SBNO1: variants seen among roughly 807,000 people sequenced by gnomAD.
SBNO1 encodes the protein protein strawberry notch homolog 1.
Under a neutral mutation model 173.6 loss-of-function variants are expected in SBNO1, and 23 were observed. The ratio of observed to expected loss-of-function variants is 0.13; its 90% CI spans 0.10 to 0.19. The LOEUF (loss-of-function observed/expected upper bound fraction) is 0.19, where lower values mean the gene tolerates loss of function less well. SBNO1 is among the 10% of genes least tolerant of loss of function. The pLI is 1.00. For missense variants in SBNO1, 1,238 were observed against 1,671.2 expected, an observed-to-expected ratio of 0.74 and a Z score of 4.52; for synonymous variants, 632 against 571.5, an observed-to-expected ratio of 1.11 and a Z score of -1.51.
At chr12:123,304,845 C>G in intron 28 of SBNO1, 126 bp from the exon 29 acceptor site, 1 of 650,010 alleles carries the variant, frequency 1.5e-6, no homozygotes, top group Non-Finnish European at 2.6e-6. Context: ...ACGGTAACTT[C>G]AAAAAGGACC....
rs762910352 is a variant in SBNO1, at chr12:123,304,569, A to C, written c.3768+13T>G. 2.1e-5 allele frequency: 31 copies of C among 1,503,230 alleles called. No individual in the cohort carries two copies. The highest frequency in any genetic ancestry group is 2.8e-5 in the Non-Finnish European group (30 of 1,085,932). The allele number at this position is 1,503,230 out of a possible 1,614,324, so 93.1% of individuals were successfully genotyped here. A position where few individuals can be genotyped will look rare whatever the true frequency, so the allele number is the denominator to read the frequency against. On this transcript the variant is annotated intron_variant, in intron 29 of 31. Coordinates refer to ENST00000602398, the MANE Select transcript of SBNO1 (RefSeq NM_001167856.3). ...GTATTCCTATATAATATAATGTACA[A>C]ATGAAAAAATACCTTCTTATATTTC...
At chr12:123,314,193 A>C (rs1868983875) in intron 23 of SBNO1, among the ~76,000 whole-genome samples, 1 of 151,932 alleles carries the variant, frequency 6.6e-6, no homozygotes, top group African/African-American at 2.4e-5. Context: ...TTGGAGACAG[A>C]GTTTTGCTCA....
chr12:123,302,990 T>C lies in SBNO1; in HGVS notation c.3769-90A>G. 4.2e-6 allele frequency: 4 copies of C among 941,672 alleles called. No individual in the cohort carries two copies. In the Admixed American group the frequency reaches 6.1e-5, roughly 14 times the overall value. The allele number at this position is 941,672 out of a possible 1,614,324, so 58.3% of individuals were successfully genotyped here. On this transcript the variant is annotated intron_variant, in intron 29 of 31. Transcript: ENST00000602398. The stretch of plus-strand genomic sequence containing the variant: ...GGTCTGTAATTCTAGAGGTAGCCAA[T>C]TTAAAATAATCTCTACACAAAAAGC...
intron 1 of SBNO1, among the ~76,000 whole-genome samples, chr12:123,362,858 A>G (rs1875524396): frequency 6.6e-6 from 1 of 151,476 alleles, no homozygotes; most frequent in South Asian, 2.1e-4. Context: ...AGCGGAGGCC[A>G]GAAGATTGCT....
Position 123,334,182 on chromosome 12 carries a change from T to C in SBNO1, c.780A>G (p.Val260=), listed in dbSNP as rs2139014978. Residue 260 remains valine (V), a synonymous_variant, in exon 7 of 32, where the codon GTA becomes GTG. Coordinates refer to ENST00000602398, the MANE Select transcript of SBNO1 (RefSeq NM_001167856.3). ...CACTGGATAAAGAGCTGGTTTCCAC[T>C]ACAGCATCTGGATGACGTAGGCCAA... ...LKIGLRHPDA[V]VETSSLSSVT... 6.3e-7 allele frequency: 1 copy of C among 1,592,932 alleles called. No homozygotes were observed. Among genetic ancestry groups the C allele is most frequent in the Non-Finnish European group, 8.5e-7 (1 of 1,172,810 alleles).
chr12:123,329,161 C>T (rs987175488), intron 9 of SBNO1, among the ~76,000 whole-genome samples: 1 of 152,144 alleles, frequency 6.6e-6, no homozygotes, highest in African/African-American at 2.4e-5. Context: ...GGGTGGATCG[C>T]TTGAGCTCAG....
chr12:123,334,008 G>C (rs373994832), intron 7 of SBNO1, 45 bp downstream of exon 7: 2 of 1,306,270 alleles, frequency 1.5e-6, no homozygotes, highest in Non-Finnish European at 1.0e-6. Flanking sequence ...CTGTTATATA[G>C]AATAGGATAA....
intron 7 of SBNO1, among the ~76,000 whole-genome samples, chr12:123,333,123 C>CA (rs60476152): frequency 5.3e-5 from 8 of 150,494 alleles, no homozygotes; most frequent in African/African-American, 1.5e-4. Flanking sequence ...GACTCCATCT[C>CA]AAAAAAAAAA....
chr12:123,295,938 AG>A lies in SBNO1; in HGVS notation c.4151del (p.Pro1384LeufsTer7). 1 of 1,612,734 alleles carries A rather than the reference AG, an allele frequency of 6.2e-7. No individual in the cohort carries two copies. Among genetic ancestry groups the A allele is most frequent in the Non-Finnish European group, 8.5e-7 (1 of 1,178,716 alleles). On this transcript the variant is annotated frameshift_variant, in exon 32 of 32. Coordinates refer to ENST00000602398, the MANE Select transcript of SBNO1 (RefSeq NM_001167856.3). LOFTEE classifies it high-confidence loss of function. ...CGTTGCTCAAGTTGGTGATGCTCTG[AG>A]GGTGATGCTGTTGCCATAGCTGTTT... is the stretch of plus-strand genomic sequence containing the variant. ...QQKQLWQQHH[P>X]QSITNLSNA is the part of the protein sequence containing the mutation.
intron 17 of SBNO1, 119 bp from the exon 18 acceptor site, chr12:123,320,985 G>T (rs1869898154): frequency 1.5e-5 from 12 of 807,444 alleles, no homozygotes; most frequent in Non-Finnish European, 2.2e-5. Flanking sequence ...TGTAGCCCAG[G>T]CTGGAGTGCA....
intron 5 of SBNO1, among the ~76,000 whole-genome samples, chr12:123,339,656 G>A (rs564106477): frequency 2.6e-5 from 4 of 151,990 alleles, no homozygotes; most frequent in Admixed American, 6.6e-5. Context: ...GGCTGGTGGT[G>A]GGCACCTGTA....
rs1176099472 is a variant in SBNO1 at position 123,345,470 on chromosome 12, G to A, written c.338C>T (p.Thr113Ile). The stretch of plus-strand genomic sequence containing the variant: ...AGTTAAAGTGATGGTTTGCCTGTTG[G>A]TTGTTACAGGTGGTGTTTTAGTCAT... ...IVMTKTPPVT[T>I]NRQTITLTKF... The change falls in exon 4 of 32, where the codon ACC (threonine) becomes ATC (isoleucine). Residue 113 changes from threonine to isoleucine, a missense_variant. By Grantham distance (89) the Thr-to-Ile change is moderately conservative (BLOSUM62 -1). This residue lies in a region of SBNO1 where 287 missense variants were observed against 274.1 expected (regional missense o/e 1.05). Transcript: ENST00000602398. The A allele has an allele frequency of 6.2e-7, 1 of 1,614,104 alleles. No homozygotes were observed. Among genetic ancestry groups the A allele is most frequent in the Non-Finnish European group, 8.5e-7 (1 of 1,179,980 alleles).
At position 123,350,360 on chromosome 12, in the gene SBNO1, C is replaced by T; in HGVS notation, c.82G>A (p.Gly28Ser). 2 of 1,614,016 alleles carry T rather than the reference C, an allele frequency of 1.2e-6. No homozygotes were observed. Among genetic ancestry groups the T allele is most frequent in the Non-Finnish European group, 1.7e-6 (2 of 1,179,890 alleles). The stretch of plus-strand genomic sequence containing the variant: ...GGAGTTGCAAGCCCTGCATCTCCAC[C>T]ATCAATATCAAAGAGGTCATTCGGA... ...ISPNDLFDID[G>S]GDAGLATPMP... The change falls in exon 2 of 32, where the codon GGT becomes AGT. Residue 28 changes from glycine (G) to serine (S), a missense_variant. Coordinates refer to ENST00000602398, the MANE Select transcript of SBNO1 (RefSeq NM_001167856.3).
intron 24 of SBNO1, among the ~76,000 whole-genome samples, chr12:123,313,221 T>C (rs1406001527): frequency 1.4e-5 from 2 of 143,286 alleles, no homozygotes; most frequent in Admixed American, 1.4e-4. Context: ...AATAAATAAA[T>C]AAATAAATAA....
Position 123,331,248 on chromosome 12 carries a change from G to C in SBNO1, c.1037C>G (p.Ala346Gly). 6.2e-7 allele frequency: 1 copy of C among 1,613,542 alleles called. No homozygotes were observed. The highest frequency in any genetic ancestry group is 8.5e-7 in the Non-Finnish European group (1 of 1,179,694). The change falls in exon 8 of 32, where the codon GCA becomes GGA. Residue 346 changes from alanine (A) to glycine (G), a missense_variant. Ala to Gly is a moderately conservative substitution (Grantham distance 60). Transcript: ENST00000602398. ...YENYLLSRKR[A>G]LWFSVSNDLK... ...CCAGTTTTTAAACACTTACCACAATGCTCGTTTTCTACTCAACAAATAATT... is the reference window on the plus strand; with the variant it reads ...CCAGTTTTTAAACACTTACCACAATCCTCGTTTTCTACTCAACAAATAATT...
chr12:123,317,003 TTTTTC>T (rs1163770285), intron 21 of SBNO1, among the ~76,000 whole-genome samples: 3 of 152,040 alleles, frequency 2.0e-5, no homozygotes, highest in Non-Finnish European at 4.4e-5. Flanking sequence ...CTCTCAGCTG[TTTTTC>T]TTTTCTTTTG....
At chr12:123,313,061 G>A (rs1230544722) in intron 24 of SBNO1, among the ~76,000 whole-genome samples, 2 of 151,776 alleles carry the variant, frequency 1.3e-5, no homozygotes, top group African/African-American at 4.8e-5. Flanking sequence ...AAATTAGCTG[G>A]GTGTGGTGGC....
intron 5 of SBNO1, among the ~76,000 whole-genome samples, chr12:123,339,830 T>C (rs1414210076): frequency 2.0e-5 from 3 of 152,108 alleles, no homozygotes; most frequent in Non-Finnish European, 4.4e-5. Flanking sequence ...GGACCCTCCA[T>C]GGAGCCCAGA....
chr12:123,364,206 A>T, intron 1 of SBNO1: 1 of 985,608 alleles, frequency 1.0e-6, no homozygotes, highest in Non-Finnish European at 1.2e-6. Context: ...TTTAGGAAGG[A>T]CGACCGCGTC....
Sources: gnomAD v4.1 joint callset for allele counts (sites outside exome capture counted in the v4.1 genomes callset) on GRCh38, gnomAD v4.1.1 for gene constraint, gnomAD v4.1.1 regional missense constraint, MANE v1.5 for transcripts, NCBI Gene and HGNC (gene_info 2026-07-23, HGNC 2026-07-21) for gene names.